TSHZ2: variants seen among roughly 807,000 people sequenced by gnomAD.
TSHZ2 encodes the protein teashirt zinc finger homeobox 2, also known as teashirt homolog 2.
Under a neutral mutation model 74.4 loss-of-function variants are expected in TSHZ2, and 21 were observed. The observed-to-expected ratio is 0.28, with a 90% CI of 0.20 to 0.41. The LOEUF is 0.41. Among genes scored for constraint, TSHZ2 ranks in the 10% least tolerant of loss-of-function variants. The probability of loss-of-function intolerance (pLI) is 1.00; values close to 1 mark genes in which losing one functional copy is unlikely to be tolerated. For synonymous variants in TSHZ2, 540 were observed against 515.3 expected, an observed-to-expected ratio of 1.05 and a Z score of -0.65; for missense variants, 1,244 against 1,293.5, an observed-to-expected ratio of 0.96 and a Z score of 0.59.
chr20:53,094,387 G>T lies in TSHZ2; in HGVS notation c.40+121054G>T, dbSNP rs1348303930. Among the ~76,000 whole-genome samples the T allele has an allele frequency of 2.6e-5, 4 of 152,068 alleles. No homozygotes were observed. The East Asian group carries it at 7.7e-4, about 29-fold the overall frequency. Reference sequence around the variant, plus strand: ...AAAAACATCTTGTCTGCCATCTCTGGTATATGAGCCACACTTTGGGAACCA... The same window carrying T: ...AAAAACATCTTGTCTGCCATCTCTGTTATATGAGCCACACTTTGGGAACCA... On this transcript the variant is annotated intron_variant, in intron 1 of 2. Coordinates refer to ENST00000371497, the MANE Select transcript of TSHZ2 (RefSeq NM_173485.6).
intron 1 of TSHZ2, among the ~76,000 whole-genome samples, chr20:53,137,693 T>C (rs1987282406): frequency 6.6e-6 from 1 of 152,158 alleles, no homozygotes. Context: ...CATCGCCCTC[T>C]AGCTGATCTC....
At chr20:53,334,236 G>GAA (rs1979847108) in intron 2 of TSHZ2, among the ~76,000 whole-genome samples, 1 of 152,066 alleles carries the variant, frequency 6.6e-6, no homozygotes, top group African/African-American at 2.4e-5. Flanking sequence ...AATAAAGAGA[G>GAA]AAAAAAACAA....
chr20:53,044,451 G>T (rs538950383), intron 1 of TSHZ2, among the ~76,000 whole-genome samples: 1 of 152,346 alleles, frequency 6.6e-6, no homozygotes, highest in Non-Finnish European at 1.5e-5. Flanking sequence ...AGGAGGAAAA[G>T]TGTGCTGTAA....
intron 1 of TSHZ2, among the ~76,000 whole-genome samples, chr20:53,213,583 GAA>G (rs767447763): frequency 2.6e-5 from 4 of 152,164 alleles, no homozygotes; most frequent in East Asian, 3.9e-4. Context: ...CAGAGAGAGA[GAA>G]AGAGAGAGAG....
At chr20:53,325,669 G>GTTGTTTGTTTGT (rs11474480) in intron 2 of TSHZ2, among the ~76,000 whole-genome samples, 1,854 of 151,616 alleles carry the variant, frequency 0.012, 66 homozygotes, top group Admixed American at 0.063. Context: ...TGCTTTGTTT[G>GTTGTTTGTTTGT]TTGTTTGTTT....
chr20:53,159,252 T>C (rs887881998), intron 1 of TSHZ2, among the ~76,000 whole-genome samples: 5 of 152,202 alleles, frequency 3.3e-5, no homozygotes, highest in African/African-American at 1.2e-4. Context: ...TGAGCCTGTG[T>C]TTTTGTCTTT....
chr20:53,180,125 G>T (rs1455335803), intron 1 of TSHZ2, among the ~76,000 whole-genome samples: 1 of 152,206 alleles, frequency 6.6e-6, no homozygotes. Flanking sequence ...TACTTCAGTA[G>T]CTTCAGAGAT....
chr20:53,296,910 A>G (rs1411902362), intron 2 of TSHZ2, among the ~76,000 whole-genome samples: 2 of 152,240 alleles, frequency 1.3e-5, no homozygotes, highest in East Asian at 3.9e-4. Flanking sequence ...TATGCTGCAG[A>G]TGGAATGAAT....
chr20:53,259,337 C>A (rs570679742), intron 2 of TSHZ2, among the ~76,000 whole-genome samples: 10 of 152,302 alleles, frequency 6.6e-5, no homozygotes, highest in African/African-American at 2.4e-4. Context: ...TATCTTAAAT[C>A]CTGCAAAATG....
At chr20:53,355,109 A>G (rs2145593348) in intron 2 of TSHZ2, among the ~76,000 whole-genome samples, 1 of 152,356 alleles carries the variant, frequency 6.6e-6, no homozygotes, top group Middle Eastern at 3.4e-3. Context: ...TACAATAATG[A>G]TCAAGACAGG....
chr20:53,105,130 A>G (rs1443420661), intron 1 of TSHZ2, among the ~76,000 whole-genome samples: 1 of 152,200 alleles, frequency 6.6e-6, no homozygotes, highest in East Asian at 1.9e-4. Context: ...CATGCTTGAG[A>G]ACTAAGGAAC....
At chr20:53,133,631 G>A (rs910257960) in intron 1 of TSHZ2, among the ~76,000 whole-genome samples, 1 of 152,094 alleles carries the variant, frequency 6.6e-6, no homozygotes, top group Non-Finnish European at 1.5e-5. Context: ...TTTATATTTA[G>A]TTCTATGTAT....
chr20:53,037,584 G>A (rs1227564474), intron 1 of TSHZ2, among the ~76,000 whole-genome samples: 1 of 152,170 alleles, frequency 6.6e-6, no homozygotes, highest in Non-Finnish European at 1.5e-5. Flanking sequence ...TGGGGCTGTT[G>A]ATCAGACCTA....
At position 53,007,976 on chromosome 20, in the gene TSHZ2, G is replaced by T. The variant is rs115827667; in HGVS notation, c.40+34643G>T. ...AATTATGTGTAAGGGTGTCTACCTT[G>T]TCAAGCCTATGTTTGTAAAGAAGAA... On this transcript the variant is annotated intron_variant, in intron 1 of 2. Coordinates refer to ENST00000371497, the MANE Select transcript of TSHZ2 (RefSeq NM_173485.6). 7.2e-3 allele frequency among the ~76,000 whole-genome samples: 1,102 copies of T among 152,134 alleles called. 11 individuals carry two copies. Among genetic ancestry groups the T allele is most frequent in the African/African-American group, 0.025 (1,038 of 41,484 alleles).
intron 2 of TSHZ2, among the ~76,000 whole-genome samples, chr20:53,418,709 A>G (rs1437195838): frequency 6.6e-6 from 1 of 152,180 alleles, no homozygotes; most frequent in Non-Finnish European, 1.5e-5. Context: ...GTCAAACCGT[A>G]TCAATAGGGA....
chr20:53,107,542 G>A (rs2123312853), intron 1 of TSHZ2, among the ~76,000 whole-genome samples: 1 of 152,302 alleles, frequency 6.6e-6, no homozygotes, highest in African/African-American at 2.4e-5. Flanking sequence ...TATTTTCATT[G>A]ACTACATTTT....
chr20:53,399,911 T>C (rs1408529378), intron 2 of TSHZ2: 1 of 152,352 alleles, frequency 6.6e-6, no homozygotes, highest in East Asian at 1.9e-4. Context: ...ATTAGATTTA[T>C]GATGAAAAGA....
intron 2 of TSHZ2, among the ~76,000 whole-genome samples, chr20:53,372,589 C>T (rs1279126484): frequency 1.3e-5 from 2 of 152,184 alleles, no homozygotes; most frequent in Non-Finnish European, 2.9e-5. Context: ...TCTCCAAGGT[C>T]TCTTCCATCT....
At chr20:53,110,506 C>T (rs1986501228) in intron 1 of TSHZ2, among the ~76,000 whole-genome samples, 1 of 151,976 alleles carries the variant, frequency 6.6e-6, no homozygotes, top group African/African-American at 2.4e-5. Context: ...TGCATTACTA[C>T]TTGGAGGCAT....
Sources: allele counts gnomAD v4.1 joint callset (sites outside exome capture counted in the v4.1 genomes callset), GRCh38; gene constraint gnomAD v4.1.1; transcripts MANE v1.5; gene names NCBI Gene and HGNC (gene_info 2026-07-23, HGNC 2026-07-21).